Variants in KCNIP4 observed in about 807,000 individuals in gnomAD.
KCNIP4 encodes the protein Kv channel-interacting protein 4.
In KCNIP4, 12 loss-of-function variants were observed where a neutral mutation model predicts 34.0. That is an observed-to-expected ratio of 0.35 (90% CI 0.23 to 0.57). KCNIP4 has a LOEUF of 0.57. Ranked by LOEUF, KCNIP4 falls within the 20% of genes least tolerant of loss-of-function variation. The pLI, the probability that KCNIP4 is intolerant of heterozygous loss-of-function variation, is 0.83. For missense variants in KCNIP4, 238 were observed against 311.7 expected, an observed-to-expected ratio of 0.76 and a Z score of 1.78; for synonymous variants, 124 against 102.2, an observed-to-expected ratio of 1.21 and a Z score of -1.29.
chr4:21,511,950 G>A (rs934736703), intron 1 of KCNIP4, among the ~76,000 whole-genome samples: 2 of 150,772 alleles, frequency 1.3e-5, no homozygotes, highest in African/African-American at 2.5e-5. Context: ...ATAGACAGTC[G>A]ATACAATTTT....
intron 1 of KCNIP4, among the ~76,000 whole-genome samples, chr4:21,108,005 C>T (rs550570703): frequency 6.6e-5 from 10 of 151,320 alleles, no homozygotes; most frequent in Admixed American, 3.9e-4. Flanking sequence ...GTGGGTAACC[C>T]GACCCTTTCT....
At chr4:21,307,841 C>G (rs543819220) in intron 1 of KCNIP4, among the ~76,000 whole-genome samples, 1 of 152,264 alleles carries the variant, frequency 6.6e-6, no homozygotes, top group South Asian at 2.1e-4. Flanking sequence ...TAGCTGTGCT[C>G]TATCTTCAGC....
intron 1 of KCNIP4, among the ~76,000 whole-genome samples, chr4:21,623,726 G>A (rs1038636993): frequency 2.7e-5 from 4 of 150,598 alleles, no homozygotes; most frequent in African/African-American, 7.3e-5. Flanking sequence ...TCTCAGAAAA[G>A]CATTACCTGG....
intron 1 of KCNIP4, chr4:21,582,264 A>G (rs1426339909): frequency 6.6e-6 from 1 of 152,000 alleles, no homozygotes; most frequent in African/African-American, 2.4e-5. Flanking sequence ...ATGATGTCCA[A>G]CATTAATGCT....
intron 1 of KCNIP4, among the ~76,000 whole-genome samples, chr4:21,694,464 C>A (rs1712039865): frequency 1.3e-5 from 2 of 151,958 alleles, no homozygotes; most frequent in Admixed American, 1.3e-4. Context: ...ATGATAAATA[C>A]AGACATTATA....
chr4:21,062,122 T>A (rs1189753941), intron 1 of KCNIP4, among the ~76,000 whole-genome samples: 1 of 152,148 alleles, frequency 6.6e-6, no homozygotes, highest in African/African-American at 2.4e-5. Flanking sequence ...ATTCATGCAT[T>A]CATTCCTTCA....
chr4:21,284,755 T>TGTGTGTGC (rs1304409155), intron 1 of KCNIP4, among the ~76,000 whole-genome samples: 1 of 151,246 alleles, frequency 6.6e-6, no homozygotes, highest in Non-Finnish European at 1.5e-5. Context: ...TGTGTGTGTG[T>TGTGTGTGC]GTGTGCGTGT....
intron 1 of KCNIP4, among the ~76,000 whole-genome samples, chr4:21,742,147 T>C (rs1716451879): frequency 6.6e-6 from 1 of 152,156 alleles, no homozygotes; most frequent in South Asian, 2.1e-4. Context: ...TTGTACCTAA[T>C]GAAAAGGGTA....
chr4:21,581,515 A>G (rs1741197047), intron 1 of KCNIP4, among the ~76,000 whole-genome samples: 1 of 151,994 alleles, frequency 6.6e-6, no homozygotes, highest in Non-Finnish European at 1.5e-5. Context: ...TGCCAGTCTC[A>G]AGTCTCTGTA....
chr4:21,759,658 G>A (rs1434196760), intron 1 of KCNIP4, among the ~76,000 whole-genome samples: 3 of 152,044 alleles, frequency 2.0e-5, no homozygotes, highest in East Asian at 3.9e-4. Context: ...CTATTAACCT[G>A]GTATCAGCTT....
chr4:21,396,549 CA>C (rs555585102), intron 1 of KCNIP4, among the ~76,000 whole-genome samples: 1,332 of 52,800 alleles, frequency 0.025, 26 homozygotes, highest in African/African-American at 0.07. Flanking sequence ...AGCAAGACTC[CA>C]AAAAAAAAAA....
At chr4:20,811,522 C>T (rs929833960) in intron 3 of KCNIP4, among the ~76,000 whole-genome samples, 31 of 151,870 alleles carry the variant, frequency 2.0e-4, no homozygotes, top group South Asian at 4.2e-4. Context: ...TGTGCGCGCG[C>T]GCACGCGTGC....
At chr4:21,371,078 T>C (rs1168618742) in intron 1 of KCNIP4, among the ~76,000 whole-genome samples, 5 of 142,016 alleles carry the variant, frequency 3.5e-5, no homozygotes, top group East Asian at 4.2e-4. Flanking sequence ...TGAGGTCAAA[T>C]AGGGCAATTC....
chr4:21,898,301 C>A (rs1727513427), intron 1 of KCNIP4, among the ~76,000 whole-genome samples: 1 of 152,110 alleles, frequency 6.6e-6, no homozygotes, highest in South Asian at 2.1e-4. Flanking sequence ...AAGATGCCAG[C>A]TAGAGCAGCC....
chr4:21,681,278 T>A (rs2109024263), intron 1 of KCNIP4, among the ~76,000 whole-genome samples: 1 of 152,078 alleles, frequency 6.6e-6, no homozygotes, highest in Admixed American at 6.6e-5. Context: ...TTTTAATTTT[T>A]TTTTTTTTTT....
chr4:21,192,293 A>T (rs1755711918), intron 1 of KCNIP4, among the ~76,000 whole-genome samples: 1 of 152,182 alleles, frequency 6.6e-6, no homozygotes, highest in African/African-American at 2.4e-5. Flanking sequence ...CTTGAGGAAA[A>T]CACTCCATTT....
At chr4:21,316,647 G>T (rs1713796396) in intron 1 of KCNIP4, among the ~76,000 whole-genome samples, 1 of 152,174 alleles carries the variant, frequency 6.6e-6, no homozygotes, top group African/African-American at 2.4e-5. Flanking sequence ...AGGCTATGTT[G>T]AGAGTCAGTC....
At chr4:21,422,643 T>A (rs187715783) in intron 1 of KCNIP4, among the ~76,000 whole-genome samples, 38 of 145,766 alleles carry the variant, frequency 2.6e-4, no homozygotes, top group African/African-American at 9.5e-4. Context: ...GGGGGAAACA[T>A]CGTTTATGTG....
At chr4:20,966,819 G>C (rs971225302) in intron 1 of KCNIP4, among the ~76,000 whole-genome samples, 1 of 152,130 alleles carries the variant, frequency 6.6e-6, no homozygotes, top group Non-Finnish European at 1.5e-5. Context: ...TACAATACTA[G>C]GCACTTTTAA....
Sources: gnomAD v4.1 joint callset for allele counts (sites outside exome capture counted in the v4.1 genomes callset) on GRCh38, gnomAD v4.1.1 for gene constraint, MANE v1.5 for transcripts, NCBI Gene and HGNC (gene_info 2026-07-23, HGNC 2026-07-21) for gene names.